Variants in EPHB1 observed in about 807,000 individuals in gnomAD.
The protein encoded by EPHB1 is ephrin type-B receptor 1.
EPHB1 carries 30 observed loss-of-function variants against 94.4 expected under a neutral mutation model. That is an observed-to-expected ratio of 0.32 (90% CI 0.24 to 0.43). The LOEUF is 0.43. EPHB1 is among the 20% of genes least tolerant of loss of function. EPHB1 has a pLI of 1.00. For missense variants in EPHB1, 1,055 were observed against 1,308.3 expected, an observed-to-expected ratio of 0.81 and a Z score of 2.99; for synonymous variants, 522 against 489.1, an observed-to-expected ratio of 1.07 and a Z score of -0.89.
chr3:135,130,123 G>A (rs763570786), intron 4 of EPHB1, among the ~76,000 whole-genome samples: 41 of 152,302 alleles, frequency 2.7e-4, no homozygotes, highest in Admixed American at 2.2e-3. Context: ...AAATGCAGAA[G>A]CAATGTTGGA....
chr3:134,974,753 T>A (rs1268126691), intron 3 of EPHB1, among the ~76,000 whole-genome samples: 2 of 152,192 alleles, frequency 1.3e-5, no homozygotes, highest in Admixed American at 6.5e-5. Flanking sequence ...TCTTTGCCCT[T>A]TTGTTTCCCA....
At chr3:135,083,949 G>A (rs1938250669) in intron 3 of EPHB1, among the ~76,000 whole-genome samples, 1 of 152,128 alleles carries the variant, frequency 6.6e-6, no homozygotes, top group Non-Finnish European at 1.5e-5. Flanking sequence ...GATGATGACA[G>A]TTCAGTAGGT....
chr3:134,803,325 G>A (rs2035969402), intron 1 of EPHB1, among the ~76,000 whole-genome samples: 1 of 152,188 alleles, frequency 6.6e-6, no homozygotes, highest in Non-Finnish European at 1.5e-5. Context: ...AGAGAAATGG[G>A]CAGAGGCAGG....
At chr3:135,174,855 CA>C (rs1306561312) in intron 9 of EPHB1, among the ~76,000 whole-genome samples, 3 of 152,198 alleles carry the variant, frequency 2.0e-5, no homozygotes, top group Admixed American at 6.5e-5. Context: ...TTGGTCTGTT[CA>C]AACCTGCTGG....
chr3:134,834,329 A>G (rs1308228389), intron 1 of EPHB1, among the ~76,000 whole-genome samples: 2 of 152,198 alleles, frequency 1.3e-5, no homozygotes, highest in Non-Finnish European at 2.9e-5. Flanking sequence ...TCAAACGCAC[A>G]TGTGATCTTC....
intron 3 of EPHB1, among the ~76,000 whole-genome samples, chr3:135,055,162 G>A (rs755348954): frequency 3.2e-4 from 48 of 152,060 alleles, no homozygotes; most frequent in East Asian, 1.9e-4. Flanking sequence ...CCCATTTGGC[G>A]GTCTACCTTT....
At chr3:134,910,381 G>A (rs2038426961) in intron 1 of EPHB1, among the ~76,000 whole-genome samples, 1 of 152,182 alleles carries the variant, frequency 6.6e-6, no homozygotes, top group Non-Finnish European at 1.5e-5. Flanking sequence ...GCTCTACCTG[G>A]ATCGTCAAAT....
intron 6 of EPHB1, among the ~76,000 whole-genome samples, chr3:135,157,519 C>T (rs1283467280): frequency 2.0e-5 from 3 of 152,252 alleles, no homozygotes; most frequent in Admixed American, 6.5e-5. Flanking sequence ...TATTAACAGA[C>T]ACACATACAC....
chr3:134,989,494 CGT>C (rs1934716418), intron 3 of EPHB1, among the ~76,000 whole-genome samples: 1 of 120,460 alleles, frequency 8.3e-6, no homozygotes, highest in Non-Finnish European at 1.7e-5. Context: ...CGCACGCGCG[CGT>C]GCACACACAC....
chr3:135,205,154 C>T (rs1942868407), intron 12 of EPHB1, among the ~76,000 whole-genome samples: 1 of 152,002 alleles, frequency 6.6e-6, no homozygotes, highest in Non-Finnish European at 1.5e-5. Context: ...AATAGTACTC[C>T]ATTGTGTATA....
At chr3:134,831,966 C>T (rs575924539) in intron 1 of EPHB1, among the ~76,000 whole-genome samples, 7 of 152,268 alleles carry the variant, frequency 4.6e-5, no homozygotes, top group African/African-American at 9.6e-5. Flanking sequence ...ATTGTGCCAA[C>T]GTCTTGTGAG....
At chr3:134,803,265 T>G (rs902858726) in intron 1 of EPHB1, among the ~76,000 whole-genome samples, 2 of 152,212 alleles carry the variant, frequency 1.3e-5, no homozygotes, top group Admixed American at 6.5e-5. Flanking sequence ...CTGTTTGAAT[T>G]TAACCTCCTT....
chr3:134,878,365 C>T (rs985803759), intron 1 of EPHB1, among the ~76,000 whole-genome samples: 2 of 152,272 alleles, frequency 1.3e-5, no homozygotes, highest in South Asian at 2.1e-4. Flanking sequence ...TTTGGCAGCT[C>T]ATATTAACAT....
At chr3:134,991,995 C>T (rs1373138311) in intron 3 of EPHB1, among the ~76,000 whole-genome samples, 1 of 152,148 alleles carries the variant, frequency 6.6e-6, no homozygotes. Flanking sequence ...TCTAGGGCTG[C>T]TTATTTCCAT....
intron 1 of EPHB1, among the ~76,000 whole-genome samples, chr3:134,853,291 C>G (rs2037031526): frequency 6.6e-6 from 1 of 152,230 alleles, no homozygotes; most frequent in African/African-American, 2.4e-5. Context: ...CTCCCTGGGT[C>G]ACCCAGAGAA....
intron 3 of EPHB1, among the ~76,000 whole-genome samples, chr3:135,032,993 A>G (rs1401714507): frequency 1.3e-5 from 2 of 152,034 alleles, no homozygotes; most frequent in African/African-American, 2.4e-5. Flanking sequence ...TCTCTTCTTT[A>G]TTGTCATTGC....
intron 7 of EPHB1, among the ~76,000 whole-genome samples, 154 bp from the exon 8 acceptor site, chr3:135,165,814 T>G (rs752993123): frequency 2.0e-5 from 3 of 152,246 alleles, no homozygotes; most frequent in Non-Finnish European, 4.4e-5. Flanking sequence ...ACTTAAAAAT[T>G]GCTGTTTGTT....
chr3:134,859,738 G>T (rs2037205779), intron 1 of EPHB1, among the ~76,000 whole-genome samples: 2 of 152,122 alleles, frequency 1.3e-5, no homozygotes, highest in African/African-American at 2.4e-5. Flanking sequence ...ATTTTTGTTT[G>T]CCCTTTTCAG....
intron 2 of EPHB1, among the ~76,000 whole-genome samples, chr3:134,950,918 C>T (rs2107714899): frequency 6.6e-6 from 1 of 152,298 alleles, no homozygotes; most frequent in East Asian, 1.9e-4. Flanking sequence ...AAAGGAATTT[C>T]ACCACAATAA....
Sources: allele counts gnomAD v4.1 joint callset (sites outside exome capture counted in the v4.1 genomes callset), GRCh38; gene constraint gnomAD v4.1.1; transcripts MANE v1.5; gene names NCBI Gene and HGNC (gene_info 2026-07-23, HGNC 2026-07-21).